The following LPP variants were observed in gnomAD, a reference collection of about 807,000 sequenced individuals.
The protein encoded by LPP is LIM domain containing preferred translocation partner in lipoma.
A neutral mutation model predicts 60.4 loss-of-function variants in LPP; 38 were observed. The ratio of observed to expected loss-of-function variants is 0.63; its 90% confidence interval spans 0.49 to 0.83. The LOEUF (loss-of-function observed/expected upper bound fraction) is 0.83. Among genes scored for constraint, LPP ranks in the 40% least tolerant of loss-of-function variants. LPP has a pLI of 0.00. For synonymous variants in LPP, 328 were observed against 290.8 expected (o/e 1.13, Z -1.30); for missense variants, 902 against 783.6 (o/e 1.15, Z -1.80).
chr3:188,599,489 G>C (rs1840634940), intron 6 of LPP, among the ~76,000 whole-genome samples: 1 of 152,048 alleles, frequency 6.6e-6, no homozygotes, highest in South Asian at 2.1e-4. Flanking sequence ...TAGAAGTCCA[G>C]GGAGATGTTT....
chr3:188,669,149 A>G (rs1856420537), intron 7 of LPP, among the ~76,000 whole-genome samples: 1 of 152,172 alleles, frequency 6.6e-6, no homozygotes, highest in South Asian at 2.1e-4. Context: ...CAGAAACAAG[A>G]GGACCATGAC....
At chr3:188,263,036 C>T (rs772679800) in intron 2 of LPP, among the ~76,000 whole-genome samples, 3 of 151,834 alleles carry the variant, frequency 2.0e-5, no homozygotes, top group Non-Finnish European at 4.4e-5. Flanking sequence ...CTATTCAGTA[C>T]ATGTACAATG....
intron 2 of LPP, among the ~76,000 whole-genome samples, chr3:188,318,871 G>T (rs916472742): frequency 6.9e-6 from 1 of 144,530 alleles, no homozygotes; most frequent in Non-Finnish European, 1.5e-5. Flanking sequence ...CCATTCTCCT[G>T]CCTCAGCCTC....
intron 8 of LPP, among the ~76,000 whole-genome samples, chr3:188,737,075 C>T (rs1016314290): frequency 5.3e-5 from 8 of 151,860 alleles, no homozygotes; most frequent in African/African-American, 1.7e-4. Context: ...GGAGTACTTC[C>T]CAATAATCAG....
chr3:188,829,220 C>T (rs1756476111), intron 9 of LPP, among the ~76,000 whole-genome samples: 1 of 152,204 alleles, frequency 6.6e-6, no homozygotes, highest in Non-Finnish European at 1.5e-5. Context: ...TATATTCCCT[C>T]CACCGCCTCT....
chr3:188,805,733 A>G (rs1312510376), intron 9 of LPP, among the ~76,000 whole-genome samples: 1 of 151,558 alleles, frequency 6.6e-6, no homozygotes, highest in Non-Finnish European at 1.5e-5. Context: ...TGAACATCCA[A>G]TTTCAAAGTA....
At chr3:188,365,925 T>C (rs76953004) in intron 3 of LPP, among the ~76,000 whole-genome samples, 5,672 of 152,266 alleles carry the variant, frequency 0.037, 149 homozygotes, top group Non-Finnish European at 0.061. Flanking sequence ...AGATTTACTC[T>C]ATTAGCAAAT....
chr3:188,274,530 A>G (rs969262246), intron 2 of LPP, among the ~76,000 whole-genome samples: 1 of 152,172 alleles, frequency 6.6e-6, no homozygotes, highest in African/African-American at 2.4e-5. Context: ...GCCTTTATCA[A>G]CTTGTCCACC....
At chr3:188,369,463 T>C (rs760451170) in intron 3 of LPP, among the ~76,000 whole-genome samples, 4 of 152,142 alleles carry the variant, frequency 2.6e-5, no homozygotes, top group Non-Finnish European at 5.9e-5. Flanking sequence ...GGCCTAGTCT[T>C]TTCATTATGA....
intron 9 of LPP, among the ~76,000 whole-genome samples, chr3:188,834,299 AG>A (rs1423678710): frequency 3.0e-5 from 3 of 99,886 alleles, no homozygotes; most frequent in African/African-American, 1.2e-4. Flanking sequence ...TTACCATTTT[AG>A]GATTTTTTTG....
chr3:188,583,876 T>A (rs1836827272), intron 6 of LPP, among the ~76,000 whole-genome samples: 1 of 152,118 alleles, frequency 6.6e-6, no homozygotes, highest in South Asian at 2.1e-4. Context: ...AAAATCAAAT[T>A]AATTGGTATT....
At chr3:188,861,801 GT>G (rs1196569552) in intron 9 of LPP, among the ~76,000 whole-genome samples, 4 of 152,022 alleles carry the variant, frequency 2.6e-5, no homozygotes, top group Admixed American at 2.6e-4. Context: ...GAGTTTTTTT[GT>G]TTTTAGTCAC....
intron 5 of LPP, among the ~76,000 whole-genome samples, chr3:188,522,784 AATATATATATATATATATAT>A (rs61033243): frequency 8.0e-6 from 1 of 125,312 alleles, no homozygotes; most frequent in African/African-American, 3.0e-5. Flanking sequence ...GATAATATGA[AATATATATATATATATATAT>A]ATATATATAT....
intron 3 of LPP, among the ~76,000 whole-genome samples, chr3:188,349,111 C>G (rs1765169311): frequency 6.6e-6 from 1 of 152,176 alleles, no homozygotes; most frequent in African/African-American, 2.4e-5. Context: ...TGGGTGATAA[C>G]TGTTCATTCC....
intron 7 of LPP, among the ~76,000 whole-genome samples, chr3:188,648,758 C>A (rs1851556349): frequency 6.6e-6 from 1 of 152,136 alleles, no homozygotes; most frequent in African/African-American, 2.4e-5. Flanking sequence ...GGTGCTCAAG[C>A]ACCAAGAAAA....
chr3:188,253,040 T>C (rs1273728551), intron 2 of LPP, among the ~76,000 whole-genome samples: 1 of 151,814 alleles, frequency 6.6e-6, no homozygotes, highest in African/African-American at 2.4e-5. Flanking sequence ...CCCAAAGTGC[T>C]GTGATTACAG....
At chr3:188,783,829 CA>C (rs1740634568) in intron 9 of LPP, among the ~76,000 whole-genome samples, 1 of 152,080 alleles carries the variant, frequency 6.6e-6, no homozygotes, top group Non-Finnish European at 1.5e-5. Flanking sequence ...TCCATGTTGC[CA>C]AAACCGTGAG....
At chr3:188,632,963 C>T (rs1240225590) in intron 7 of LPP, among the ~76,000 whole-genome samples, 1 of 152,106 alleles carries the variant, frequency 6.6e-6, no homozygotes, top group Admixed American at 6.5e-5. Context: ...TCTGAACTTT[C>T]CTTGACCCAG....
intron 4 of LPP, among the ~76,000 whole-genome samples, chr3:188,427,322 G>A (rs187660102): frequency 3.9e-5 from 6 of 152,266 alleles, no homozygotes; most frequent in South Asian, 2.1e-4. Context: ...AGAGAGATCT[G>A]CTGTTAGTCT....
Sources: allele counts gnomAD v4.1 joint callset (sites outside exome capture counted in the v4.1 genomes callset), GRCh38; gene constraint gnomAD v4.1.1; transcripts MANE v1.5; gene names NCBI Gene and HGNC (gene_info 2026-07-23, HGNC 2026-07-21).